Variants in CEP89 observed in about 807,000 individuals in gnomAD.
The protein encoded by CEP89 is centrosomal protein of 89 kDa.
CEP89 carries 95 observed loss-of-function variants against 97.6 expected under a neutral mutation model. That is an observed-to-expected ratio of 0.97 (90% CI 0.82 to 1.15). The LOEUF (loss-of-function observed/expected upper bound fraction) is 1.15. Ranked by LOEUF, CEP89 falls within the 50% of genes most tolerant of loss-of-function variation. The pLI is 0.00. For missense variants in CEP89, 869 were observed against 947.7 expected (o/e 0.92, Z 1.09); for synonymous variants, 354 against 349.1 (o/e 1.01, Z -0.16).
chr19:32,930,619 T>C (rs1382348486), intron 9 of CEP89, among the ~76,000 whole-genome samples: 15 of 151,950 alleles, frequency 9.9e-5, no homozygotes, highest in Admixed American at 9.8e-4. Context: ...TGCCTCCCTC[T>C]CCTGTGTCCA....
Position 32,926,904 on chromosome 19 carries a change from T to C in CEP89, c.1080+30A>G, listed in dbSNP as rs780694792. 10 of 1,601,338 alleles carry C rather than the reference T, an allele frequency of 6.2e-6. 1 individual carries two copies. Among genetic ancestry groups the C allele is most frequent in the Admixed American group, 1.7e-5 (1 of 59,822 alleles). ...GCTATGCAAATATACCCTGAAAATA[T>C]GGGCCTGAAATTAAATAACTTTCAC... On this transcript the variant is annotated intron_variant, in intron 10 of 18. Coordinates refer to ENST00000305768, the MANE Select transcript of CEP89 (RefSeq NM_032816.5).
At chr19:32,886,637 A>T (rs1483941713) in intron 17 of CEP89, among the ~76,000 whole-genome samples, 1 of 152,136 alleles carries the variant, frequency 6.6e-6, no homozygotes, top group Admixed American at 6.6e-5. Flanking sequence ...AGCCGGTTTT[A>T]CTATTCCTGT....
chr19:32,876,450 A>T lies in CEP89; in HGVS notation c.*2712T>A, dbSNP rs1048941210. 6.5e-6 allele frequency: 1 copy of T among 152,906 alleles called. No individual in the cohort carries two copies. The allele number at this position is 152,906 out of a possible 1,614,324, so 9.5% of individuals were successfully genotyped here. A position where few individuals can be genotyped will look rare whatever the true frequency, so the allele number is the denominator to read the frequency against. On this transcript the variant is annotated 3_prime_UTR_variant, in exon 19 of 19. Coordinates refer to ENST00000305768, the MANE Select transcript of CEP89 (RefSeq NM_032816.5). ...GCATGGGGAAGGAGGAGCCCCTCCCAGCAGACCCAGTTCTCCTCTGTGCAG... is the reference window on the plus strand; with the variant it reads ...GCATGGGGAAGGAGGAGCCCCTCCCTGCAGACCCAGTTCTCCTCTGTGCAG...
At chr19:32,950,422 G>A (rs1970886613) in intron 4 of CEP89, among the ~76,000 whole-genome samples, 1 of 152,104 alleles carries the variant, frequency 6.6e-6, no homozygotes, top group African/African-American at 2.4e-5. Context: ...GCCAGGTGTG[G>A]TGGCACATGC....
In CEP89 at chr19:32,877,793, A is replaced by G. The variant is rs1427236758; in HGVS notation, c.*1369T>C. On this transcript the variant is annotated 3_prime_UTR_variant, in exon 19 of 19. Coordinates refer to ENST00000305768, the MANE Select transcript of CEP89 (RefSeq NM_032816.5). ...AAAAAAAATTTTTTTTTTTTGAGAC[A>G]AAGTCTCGCTCTTGTTGCCCAGGCT... 2 of 151,800 alleles carry G rather than the reference A, an allele frequency of 1.3e-5. No homozygotes were observed. The highest frequency in any genetic ancestry group is 4.8e-5 in the African/African-American group (2 of 41,306). 9.4% of individuals were successfully genotyped at this position (151,800 alleles called of 1,614,324 possible).
In CEP89 at chr19:32,953,786, A is replaced by T; in HGVS notation, c.321T>A (p.Ser107Arg). Residue 107 changes from serine to arginine, a missense_variant, in exon 4 of 19, where the codon AGT becomes AGA. Physicochemically the swap from Ser to Arg is moderately radical, Grantham distance 110. Coordinates refer to ENST00000305768, the MANE Select transcript of CEP89 (RefSeq NM_032816.5). ...GCAAAGAAGATCTTCTTCCCATCTC[A>T]CTCTGCCAATTTGGCCTGTATTAGA... ...SQLRPRPNWQ[S>R]EMGRRSSLPS... The T allele has an allele frequency of 1.2e-6, 2 of 1,613,426 alleles. No individual in the cohort carries two copies. The highest frequency in any genetic ancestry group is 1.7e-6 in the Non-Finnish European group (2 of 1,179,710).
chr19:32,907,641 G>A (rs144586857), intron 14 of CEP89, among the ~76,000 whole-genome samples: 340 of 152,178 alleles, frequency 2.2e-3, no homozygotes, highest in African/African-American at 8.0e-3. Flanking sequence ...TAGTAGAGAT[G>A]GCGTTTCACC....
chr19:32,923,482 G>A lies in CEP89; in HGVS notation c.1225C>T (p.His409Tyr). The A allele has an allele frequency of 1.2e-6, 2 of 1,610,274 alleles. No homozygotes were observed. Among genetic ancestry groups the A allele is most frequent in the Admixed American group, 1.7e-5 (1 of 59,896 alleles). ...QEVVKENEEL[H>Y]QELNKSSAVT... Reference sequence around the variant, plus strand: ...GCACTACTCTTATTTAACTCTTGGTGCAATTCTTCATTTTCTTTCACCACT... The same window carrying A: ...GCACTACTCTTATTTAACTCTTGGTACAATTCTTCATTTTCTTTCACCACT... The change falls in exon 12 of 19, where the codon CAC (histidine) becomes TAC (tyrosine). Residue 409 changes from histidine (H) to tyrosine (Y), a missense_variant. His to Tyr is a moderately conservative substitution (Grantham distance 83). Coordinates refer to ENST00000305768, the MANE Select transcript of CEP89 (RefSeq NM_032816.5).
At chr19:32,927,125 C>G (rs1039040975) in intron 9 of CEP89, 141 bp from the exon 10 acceptor site, 1 of 668,074 alleles carries the variant, frequency 1.5e-6, no homozygotes, top group Non-Finnish European at 2.6e-6. Flanking sequence ...CCCACCTACC[C>G]ACCTACCCAT....
intron 16 of CEP89, among the ~76,000 whole-genome samples, chr19:32,893,973 A>C (rs948701592): frequency 5.9e-5 from 9 of 152,240 alleles, no homozygotes; most frequent in African/African-American, 2.2e-4. Flanking sequence ...GATGTACCTC[A>C]AGGAACTAGA....
chr19:32,964,176 A>AT (rs113541335), intron 2 of CEP89, among the ~76,000 whole-genome samples: 442 of 147,764 alleles, frequency 3.0e-3, no homozygotes, highest in African/African-American at 6.6e-3. Context: ...TTGTGTATAC[A>AT]TTTTTTTTTT....
intron 14 of CEP89, among the ~76,000 whole-genome samples, chr19:32,902,946 G>C (rs1311347596): frequency 6.6e-6 from 1 of 152,166 alleles, no homozygotes; most frequent in African/African-American, 2.4e-5. Flanking sequence ...AGAGATATTG[G>C]ATAGAATCCT....
At chr19:32,937,587 C>T in intron 7 of CEP89, 44 bp downstream of exon 7, 1 of 1,404,172 alleles carries the variant, frequency 7.1e-7, no homozygotes, top group African/African-American at 1.4e-5. Context: ...GGATATTCTC[C>T]AAAACAAGCT....
intron 14 of CEP89, among the ~76,000 whole-genome samples, chr19:32,907,455 A>T (rs1299704988): frequency 7.0e-6 from 1 of 142,104 alleles, no homozygotes; most frequent in African/African-American, 2.6e-5. Flanking sequence ...TGGTTTCTCT[A>T]TTTTTTTTTT....
chr19:32,950,913 A>G (rs1568576323), intron 4 of CEP89, among the ~76,000 whole-genome samples: 2 of 152,320 alleles, frequency 1.3e-5, no homozygotes, highest in Non-Finnish European at 2.9e-5. Flanking sequence ...CATATCGTCT[A>G]ATTAAATGCA....
intron 2 of CEP89, among the ~76,000 whole-genome samples, chr19:32,963,249 A>G (rs1971205719): frequency 6.6e-6 from 1 of 152,076 alleles, no homozygotes; most frequent in South Asian, 2.1e-4. Flanking sequence ...CCAGCTACTT[A>G]GGAGGCTGAA....
chr19:32,892,588 G>A (rs996267016), intron 16 of CEP89, among the ~76,000 whole-genome samples: 3 of 151,384 alleles, frequency 2.0e-5, no homozygotes, highest in Non-Finnish European at 4.4e-5. Context: ...TTACAGGTGT[G>A]AGCCACTGTG....
At chr19:32,959,518 G>T (rs1049654220) in intron 3 of CEP89, among the ~76,000 whole-genome samples, 1 of 152,202 alleles carries the variant, frequency 6.6e-6, no homozygotes, top group African/African-American at 2.4e-5. Flanking sequence ...AGAGATACAC[G>T]TGAGAGGTAA....
chr19:32,968,136 ACT>A (rs1002771936), intron 1 of CEP89, among the ~76,000 whole-genome samples: 1 of 151,598 alleles, frequency 6.6e-6, no homozygotes, highest in African/African-American at 2.4e-5. Flanking sequence ...CAATACCCCC[ACT>A]CTGTTTACCT....
Sources: gnomAD v4.1 joint callset for allele counts (sites outside exome capture counted in the v4.1 genomes callset) on GRCh38, gnomAD v4.1.1 for gene constraint, MANE v1.5 for transcripts, NCBI Gene and HGNC (gene_info 2026-07-23, HGNC 2026-07-21) for gene names.